The following RBM43 variants were observed in gnomAD, a reference collection of about 807,000 sequenced individuals.
RBM43 encodes the protein RNA-binding protein 43.
Under a neutral mutation model 12.4 loss-of-function variants are expected in RBM43, and 12 were observed. The observed-to-expected ratio is 0.97, with a 90% CI of 0.62 to 1.57. The LOEUF is 1.57. RBM43 is among the 40% of genes most tolerant of loss of function. The pLI, the probability that RBM43 is intolerant of heterozygous loss-of-function variation, is 0.00. For missense variants in RBM43, 348 were observed against 400.1 expected (o/e 0.87, Z 1.11); for synonymous variants, 138 against 145.7 (o/e 0.95, Z 0.38).
At chr2:151,255,993 A>C (rs915624618) in intron 1 of RBM43, among the ~76,000 whole-genome samples, 1 of 152,048 alleles carries the variant, frequency 6.6e-6, no homozygotes, top group Non-Finnish European at 1.5e-5. Context: ...ATGGAGTCTC[A>C]CTCTGTCACC....
chr2:151,257,327 CACACAA>C (rs1265981291), intron 1 of RBM43, among the ~76,000 whole-genome samples: 1 of 151,778 alleles, frequency 6.6e-6, no homozygotes, highest in African/African-American at 2.4e-5. Flanking sequence ...CACACACACA[CACACAA>C]ACACACACAC....
intron 1 of RBM43, among the ~76,000 whole-genome samples, chr2:151,260,112 C>A (rs1478137027): frequency 6.6e-6 from 1 of 151,720 alleles, no homozygotes; most frequent in South Asian, 2.1e-4. Context: ...GATCCGCTCC[C>A]CCCTCGGCCT....
At chr2:151,261,362 A>G in intron 1 of RBM43, 1 of 1,550,588 alleles carries the variant, frequency 6.4e-7, no homozygotes, top group Non-Finnish European at 8.7e-7. Context: ...TTAAGCCCTA[A>G]CAGCCTGCGA....
Position 151,251,011 on chromosome 2 carries a change from G to C in RBM43, c.969C>G (p.Val323=), listed in dbSNP as rs778486647. The C allele has an allele frequency of 1.2e-6, 2 of 1,613,728 alleles. No homozygotes were observed. Among genetic ancestry groups the C allele is most frequent in the South Asian group, 2.2e-5 (2 of 91,072 alleles). Residue 323 remains valine (V), a synonymous_variant, in exon 4 of 4, where the codon GTC becomes GTG. Transcript: ENST00000331426. ...CEQLSSRYLE[V]LINLYRTHID... Reference sequence around the variant, plus strand: ...TGTGTGTCCTATAAAGGTTAATCAGGACTTCAAGGTATCTCGAACTTAATT... The same window carrying C: ...TGTGTGTCCTATAAAGGTTAATCAGCACTTCAAGGTATCTCGAACTTAATT...
At position 151,250,862 on chromosome 2, in the gene RBM43, C is replaced by T. The variant is rs774295713; in HGVS notation, c.*44G>A. 1.1e-5 allele frequency: 16 copies of T among 1,441,020 alleles called. No homozygotes were observed. Among genetic ancestry groups the T allele is most frequent in the South Asian group, 5.4e-5 (4 of 73,434 alleles). The allele number at this position is 1,441,020 out of a possible 1,614,324, so 89.3% of individuals were successfully genotyped here. ...CTCATTCATGGCAATGGTCACTGCT[C>T]AGCAAGAGAAAGCAGCCCTTATGAC... On this transcript the variant is annotated 3_prime_UTR_variant, in exon 4 of 4. Coordinates refer to ENST00000331426, the MANE Select transcript of RBM43 (RefSeq NM_198557.3).
chr2:151,258,174 T>A (rs1366722056), intron 1 of RBM43, among the ~76,000 whole-genome samples: 1 of 151,596 alleles, frequency 6.6e-6, no homozygotes, highest in Admixed American at 6.6e-5. Context: ...GGGGTTATAG[T>A]GAACAGGTGA....
At chr2:151,255,392 T>C (rs1038887820) in intron 2 of RBM43, 141 bp downstream of exon 2, 4 of 569,046 alleles carry the variant, frequency 7.0e-6, no homozygotes, top group Non-Finnish European at 1.2e-5. Flanking sequence ...CACTCTAACC[T>C]GGGCAACAGA....
chr2:151,256,193 C>G (rs1433950289), intron 1 of RBM43, among the ~76,000 whole-genome samples: 1 of 148,458 alleles, frequency 6.7e-6, no homozygotes, highest in Non-Finnish European at 1.5e-5. Context: ...AACTCCTGAC[C>G]TCAAGAGATC....
intron 1 of RBM43, chr2:151,261,178 A>T (rs964784853): frequency 6.9e-7 from 1 of 1,445,098 alleles, no homozygotes; most frequent in Non-Finnish European, 9.2e-7. Flanking sequence ...ATAAATTTTG[A>T]ATTTGCTAAG....
At chr2:151,258,399 A>G (rs1429651102) in intron 1 of RBM43, among the ~76,000 whole-genome samples, 4 of 151,096 alleles carry the variant, frequency 2.6e-5, no homozygotes, top group African/African-American at 9.8e-5. Context: ...AAAAAAAAAA[A>G]GGCCTGAAAA....
At chr2:151,258,893 T>C (rs1683009286) in intron 1 of RBM43, among the ~76,000 whole-genome samples, 1 of 151,678 alleles carries the variant, frequency 6.6e-6, no homozygotes, top group African/African-American at 2.4e-5. Flanking sequence ...CTGTAATCCC[T>C]GCACTTTGGG....
rs1316810117 is a variant in RBM43, at chr2:151,248,958, A to G, written c.*1948T>C. 2 of 152,004 alleles carry G rather than the reference A, an allele frequency of 1.3e-5. No homozygotes were observed. Among genetic ancestry groups the G allele is most frequent in the East Asian group, 3.9e-4 (2 of 5,194 alleles). 9.4% of individuals were successfully genotyped at this position (152,004 alleles called of 1,614,324 possible). A position where few individuals can be genotyped will look rare whatever the true frequency, so the allele number is the denominator to read the frequency against. Reference sequence around the variant, plus strand: ...CCTCGCAGCTGAGGTCAACAGGGGGAAAATAATTCTACCCAACAGATCTAC... The same window carrying G: ...CCTCGCAGCTGAGGTCAACAGGGGGGAAATAATTCTACCCAACAGATCTAC... On this transcript the variant is annotated 3_prime_UTR_variant, in exon 4 of 4. Transcript: ENST00000331426.
rs1169344773 is a variant in RBM43, at chr2:151,250,689, C to T, written c.*217G>A. 6 of 438,826 alleles carry T rather than the reference C, an allele frequency of 1.4e-5. No individual in the cohort carries two copies. The highest frequency in any genetic ancestry group is 1.4e-4 in the East Asian group (4 of 29,474). 27.2% of individuals were successfully genotyped at this position (438,826 alleles called of 1,614,324 possible). A position where few individuals can be genotyped will look rare whatever the true frequency, so the allele number is the denominator to read the frequency against. The stretch of plus-strand genomic sequence containing the variant: ...TAATCAGATAGACTGGGCTAAGCCA[C>T]AGCCTCATTCTTTGTCAACTGGATA... On this transcript the variant is annotated 3_prime_UTR_variant, in exon 4 of 4. Transcript: ENST00000331426.
intron 1 of RBM43, among the ~76,000 whole-genome samples, chr2:151,260,693 G>C (rs1344888057): frequency 1.3e-5 from 2 of 152,204 alleles, no homozygotes; most frequent in Non-Finnish European, 2.9e-5. Flanking sequence ...ATAGGTTGGA[G>C]AAAGTATGGC....
At chr2:151,260,227 G>A (rs1683029810) in intron 1 of RBM43, among the ~76,000 whole-genome samples, 1 of 151,812 alleles carries the variant, frequency 6.6e-6, no homozygotes, top group Admixed American at 6.6e-5. Context: ...CTGGGCTCAA[G>A]TGATCCTCCC....
At chr2:151,260,113 C>T (rs75383991) in intron 1 of RBM43, among the ~76,000 whole-genome samples, 2 of 151,360 alleles carry the variant, frequency 1.3e-5, no homozygotes, top group African/African-American at 4.9e-5. Flanking sequence ...ATCCGCTCCC[C>T]CCTCGGCCTC....
chr2:151,257,529 T>G (rs1682990895), intron 1 of RBM43, among the ~76,000 whole-genome samples: 2 of 151,660 alleles, frequency 1.3e-5, no homozygotes, highest in Admixed American at 1.3e-4. Context: ...CCGTCTGTAC[T>G]AAAAATACAA....
rs766226095 is a variant in RBM43, at chr2:151,251,117, T to C, written c.863A>G (p.Tyr288Cys). Residue 288 changes from tyrosine to cysteine, a missense_variant, in exon 4 of 4, where the codon TAC becomes TGC. By Grantham distance (194) the Tyr-to-Cys change is radical. Transcript: ENST00000331426. Reference protein sequence around the residue: ...ELIEEWSHALYLKLRKETFIL... With the variant: ...ELIEEWSHALCLKLRKETFIL... ...AAATGTCTCTTTTCTAAGCTTTAAG[T>C]AAAGAGCATGTGACCATTCCTCAAT... 2 of 1,613,094 alleles carry C rather than the reference T, an allele frequency of 1.2e-6. No homozygotes were observed. Among genetic ancestry groups the C allele is most frequent in the South Asian group, 2.2e-5 (2 of 91,028 alleles).
chr2:151,258,068 TA>T (rs370673309), intron 1 of RBM43, among the ~76,000 whole-genome samples: 34 of 143,204 alleles, frequency 2.4e-4, no homozygotes, highest in Admixed American at 2.8e-4. Context: ...AAACTCCATC[TA>T]AAAAAAAAAG....
Sources: allele counts gnomAD v4.1 joint callset (sites outside exome capture counted in the v4.1 genomes callset), GRCh38; gene constraint gnomAD v4.1.1; transcripts MANE v1.5; gene names NCBI Gene and HGNC (gene_info 2026-07-23, HGNC 2026-07-21).